The following RAB38 variants were observed in gnomAD, a reference collection of about 807,000 sequenced individuals.
RAB38 encodes ras-related protein Rab-38.
RAB38 carries 15 observed loss-of-function variants against 18.4 expected under a neutral mutation model. The observed-to-expected ratio is 0.82, with a 90% CI of 0.55 to 1.26. RAB38 has a LOEUF of 1.26. Ranked by LOEUF, RAB38 falls within the 50% of genes most tolerant of loss-of-function variation. The pLI, the probability that RAB38 is intolerant of heterozygous loss-of-function variation, is 0.00. For missense variants in RAB38, 294 were observed against 267.4 expected (o/e 1.10, Z -0.69); for synonymous variants, 101 against 104.4 (o/e 0.97, Z 0.20).
At chr11:88,022,014 A>G in the RAB38 span, among the ~76,000 whole-genome samples, 1 of 152,034 alleles carries the variant, frequency 6.6e-6, no homozygotes, top group Non-Finnish European at 1.5e-5. Flanking sequence ...CCAGTATTAA[A>G]TGGATATCAA....
At chr11:88,039,565 C>A in the RAB38 span, among the ~76,000 whole-genome samples, 4 of 152,136 alleles carry the variant, frequency 2.6e-5, no homozygotes, top group African/African-American at 9.7e-5. Flanking sequence ...TGTCTCCTTT[C>A]TTCTTGAGGT....
chr11:88,175,387 T>C lies in RAB38; in HGVS notation c.-3A>G. On this transcript the variant is annotated 5_prime_UTR_variant, in exon 1 of 3. Coordinates refer to ENST00000243662, the MANE Select transcript of RAB38 (RefSeq NM_022337.3). ...TGCTCCTTGTGCGGGGCCTGCATCC[T>C]GGCGGCCGGCCAGACGTGCCGTGCC... The C allele has an allele frequency of 6.2e-7, 1 of 1,612,904 alleles. No individual in the cohort carries two copies. The highest frequency in any genetic ancestry group is 1.1e-5 in the South Asian group (1 of 91,076).
the RAB38 span, among the ~76,000 whole-genome samples, chr11:87,809,003 G>A: frequency 6.6e-6 from 1 of 151,960 alleles, no homozygotes; most frequent in Non-Finnish European, 1.5e-5. Context: ...GGAAAGAATT[G>A]GAATTGCCAA....
chr11:87,917,073 A>T, the RAB38 span, among the ~76,000 whole-genome samples: 1 of 152,128 alleles, frequency 6.6e-6, no homozygotes, highest in African/African-American at 2.4e-5. Flanking sequence ...AGAGCAAGGG[A>T]CATGAGGGCC....
chr11:88,022,621 A>AACAAAAC, the RAB38 span, among the ~76,000 whole-genome samples: 1 of 149,554 alleles, frequency 6.7e-6, no homozygotes, highest in Non-Finnish European at 1.5e-5. Flanking sequence ...CAAAAAAAAA[A>AACAAAAC]AAAAAAAAAA....
chr11:88,030,782 C>A, the RAB38 span, among the ~76,000 whole-genome samples: 2 of 152,130 alleles, frequency 1.3e-5, no homozygotes, highest in South Asian at 4.1e-4. Context: ...GATTCACAGC[C>A]CAATTCCACC....
chr11:88,017,570 C>T, the RAB38 span, among the ~76,000 whole-genome samples: 1 of 151,272 alleles, frequency 6.6e-6, no homozygotes, highest in African/African-American at 2.4e-5. Context: ...CTATTACGTA[C>T]CCTAGTCTTA....
intron 1 of RAB38, chr11:88,167,568 T>C (rs1325109390): frequency 6.6e-6 from 1 of 152,122 alleles, no homozygotes; most frequent in East Asian, 1.9e-4. Context: ...GATGTGGCTA[T>C]TGAAAAGATG....
chr11:87,964,876 A>G, the RAB38 span, among the ~76,000 whole-genome samples: 3 of 152,186 alleles, frequency 2.0e-5, no homozygotes, highest in Non-Finnish European at 4.4e-5. Context: ...AATTTTCAGG[A>G]GAGTTTCAAT....
chr11:88,026,880 T>A, the RAB38 span, among the ~76,000 whole-genome samples: 1 of 152,210 alleles, frequency 6.6e-6, no homozygotes, highest in African/African-American at 2.4e-5. Context: ...ATAATCTGAA[T>A]CAAATCTCGA....
the RAB38 span, among the ~76,000 whole-genome samples, chr11:88,056,707 G>A: frequency 6.6e-6 from 1 of 152,108 alleles, no homozygotes; most frequent in Non-Finnish European, 1.5e-5. Context: ...GGAAGGCTGA[G>A]GCAGGAGAAT....
the RAB38 span, among the ~76,000 whole-genome samples, chr11:88,091,669 A>G: frequency 0.02 from 2,965 of 152,008 alleles, 111 homozygotes; most frequent in South Asian, 0.057. Flanking sequence ...TTCATATGCT[A>G]TCTTCATTCC....
the RAB38 span, among the ~76,000 whole-genome samples, chr11:88,015,440 T>G: frequency 6.6e-6 from 1 of 152,270 alleles, no homozygotes; most frequent in Non-Finnish European, 1.5e-5. Flanking sequence ...GTCACTACAA[T>G]ATGGTTTGCT....
the RAB38 span, among the ~76,000 whole-genome samples, chr11:87,908,756 G>A: frequency 6.6e-6 from 1 of 151,920 alleles, no homozygotes; most frequent in East Asian, 1.9e-4. Flanking sequence ...GGGAAGTTTT[G>A]AAATTGACTA....
the RAB38 span, among the ~76,000 whole-genome samples, chr11:87,963,500 C>T: frequency 3.3e-5 from 5 of 152,002 alleles, no homozygotes; most frequent in Non-Finnish European, 7.4e-5. Context: ...AGGAGTGGGA[C>T]AGAACACTCA....
chr11:87,860,760 T>G, the RAB38 span, among the ~76,000 whole-genome samples: 21 of 152,096 alleles, frequency 1.4e-4, 1 homozygote, highest in Middle Eastern at 0.01. Context: ...GACTTTTTAT[T>G]TTCAGGGTCA....
the RAB38 span, among the ~76,000 whole-genome samples, chr11:87,889,159 A>G: frequency 4.0e-4 from 40 of 100,880 alleles, 1 homozygote; most frequent in Middle Eastern, 8.7e-3. Flanking sequence ...TTATTAGGCC[A>G]GGAAACTGCT....
intron 2 of RAB38, among the ~76,000 whole-genome samples, chr11:88,144,428 T>A (rs569515555): frequency 4.6e-5 from 7 of 152,350 alleles, no homozygotes; most frequent in African/African-American, 1.7e-4. Context: ...GTGAGCTTCC[T>A]ACGGCTGGAA....
the RAB38 span, among the ~76,000 whole-genome samples, chr11:87,850,920 A>T: frequency 6.6e-6 from 1 of 152,170 alleles, no homozygotes; most frequent in Non-Finnish European, 1.5e-5. Context: ...CTTTTCATTG[A>T]CCAGTGTGGC....
Sources: allele counts gnomAD v4.1 joint callset (sites outside exome capture counted in the v4.1 genomes callset), GRCh38; gene constraint gnomAD v4.1.1; transcripts MANE v1.5; gene names NCBI Gene and HGNC (gene_info 2026-07-23, HGNC 2026-07-21).